SUCLG1: variants seen among roughly 807,000 people sequenced by gnomAD.
SUCLG1 encodes succinate--CoA ligase [ADP/GDP-forming] subunit alpha, mitochondrial.
SUCLG1 carries 26 observed loss-of-function variants against 37.3 expected under a neutral mutation model. The ratio of observed to expected loss-of-function variants is 0.70; its 90% confidence interval spans 0.51 to 0.97. The LOEUF is 0.97. Ranked by LOEUF, SUCLG1 falls within the 50% of genes least tolerant of loss-of-function variation. The probability of loss-of-function intolerance (pLI) is 0.00; values close to 1 mark genes in which losing one functional copy is unlikely to be tolerated. For missense variants in SUCLG1, 433 were observed against 432.9 expected, an observed-to-expected ratio of 1.00 and a Z score of 0.00; for synonymous variants, 163 against 155.6, an observed-to-expected ratio of 1.05 and a Z score of -0.36.
chr2:84,433,856 A>G, intron 5 of SUCLG1: 2 of 212,970 alleles, frequency 9.4e-6, no homozygotes, highest in Admixed American at 1.1e-4. Context: ...TCAGGTTGAA[A>G]TGTGATGCCC....
At chr2:84,428,080 T>G (rs1672560668) in intron 7 of SUCLG1, among the ~76,000 whole-genome samples, 1 of 152,194 alleles carries the variant, frequency 6.6e-6, no homozygotes, top group South Asian at 2.1e-4. Context: ...CCCTTTCTCC[T>G]TATCTTCCAG....
At chr2:84,442,626 AC>A (rs1420048298) in intron 3 of SUCLG1, among the ~76,000 whole-genome samples, 2 of 152,262 alleles carry the variant, frequency 1.3e-5, no homozygotes, top group Admixed American at 6.5e-5. Flanking sequence ...CTGAATTTTT[AC>A]AAAAAGTACC....
At chr2:84,435,909 A>C (rs1672681202) in intron 5 of SUCLG1, among the ~76,000 whole-genome samples, 1 of 152,240 alleles carries the variant, frequency 6.6e-6, no homozygotes, top group Non-Finnish European at 1.5e-5. Context: ...GAGGTCAGCC[A>C]GCCAGTCAGC....
intron 7 of SUCLG1, among the ~76,000 whole-genome samples, chr2:84,430,138 T>C (rs1672593917): frequency 6.6e-6 from 1 of 152,166 alleles, no homozygotes; most frequent in African/African-American, 2.4e-5. Context: ...GGATGACGAA[T>C]GAATCAAGGC....
chr2:84,452,706 T>C (rs1263340328), intron 1 of SUCLG1, among the ~76,000 whole-genome samples: 1 of 152,218 alleles, frequency 6.6e-6, no homozygotes, highest in Non-Finnish European at 1.5e-5. Flanking sequence ...TCAAGTACCA[T>C]CTAAATACTT....
chr2:84,450,055 A>G (rs1672917885), intron 1 of SUCLG1, among the ~76,000 whole-genome samples: 2 of 152,030 alleles, frequency 1.3e-5, no homozygotes, highest in Admixed American at 1.3e-4. Context: ...TCCTAGAAAA[A>G]AACTGGGGCT....
chr2:84,448,170 G>GAAAAA (rs60206307), intron 2 of SUCLG1, among the ~76,000 whole-genome samples: 3 of 137,716 alleles, frequency 2.2e-5, no homozygotes, highest in African/African-American at 8.1e-5. Flanking sequence ...AGTTATTTCA[G>GAAAAA]AAAAAAAAAA....
At chr2:84,427,906 A>T (rs113017935) in intron 7 of SUCLG1, among the ~76,000 whole-genome samples, 1 of 152,230 alleles carries the variant, frequency 6.6e-6, no homozygotes, top group Non-Finnish European at 1.5e-5. Context: ...AAGGACACTC[A>T]TAAGTGAAAC....
At chr2:84,451,430 C>T (rs1455535605) in intron 1 of SUCLG1, among the ~76,000 whole-genome samples, 1 of 152,218 alleles carries the variant, frequency 6.6e-6, no homozygotes, top group African/African-American at 2.4e-5. Context: ...TGCACAAGTA[C>T]TCTTATACTC....
chr2:84,432,711 A>G (rs1235454647), intron 6 of SUCLG1: 3 of 152,330 alleles, frequency 2.0e-5, no homozygotes, highest in Non-Finnish European at 2.9e-5. Context: ...TAATTCTAAA[A>G]CATTAACAGG....
chr2:84,430,686 G>T (rs538157767), intron 7 of SUCLG1, among the ~76,000 whole-genome samples: 16 of 152,024 alleles, frequency 1.1e-4, no homozygotes, highest in Non-Finnish European at 1.6e-4. Context: ...CATACATATA[G>T]AGAGAAAGTG....
Position 84,424,644 on chromosome 2 carries a change from A to C in SUCLG1, c.1014+771T>G, listed in dbSNP as rs551831329. Among the ~76,000 whole-genome samples, 8 of 152,286 alleles carry C rather than the reference A, an allele frequency of 5.3e-5. No individual in the cohort carries two copies. The South Asian group carries it at 1.7e-3, about 32-fold the overall frequency. On this transcript the variant is annotated intron_variant, in intron 8 of 8. Coordinates refer to ENST00000393868, the MANE Select transcript of SUCLG1 (RefSeq NM_003849.4). ...AGGAAACCAACTGGTACCTATTTTCAGCATGCTTAAGAGGAGATTTTTTGT... is the reference window on the plus strand; with the variant it reads ...AGGAAACCAACTGGTACCTATTTTCCGCATGCTTAAGAGGAGATTTTTTGT...
intron 1 of SUCLG1, among the ~76,000 whole-genome samples, chr2:84,457,083 T>C (rs1673032135): frequency 6.6e-6 from 1 of 152,176 alleles, no homozygotes; most frequent in African/African-American, 2.4e-5. Flanking sequence ...CTTCAGCAAG[T>C]AATGTACCAT....
intron 3 of SUCLG1, 68 bp from the exon 4 acceptor site, chr2:84,441,527 C>A: frequency 6.7e-7 from 1 of 1,490,252 alleles, no homozygotes; most frequent in Non-Finnish European, 9.2e-7. Flanking sequence ...AAATTCAATA[C>A]CATCATTTTA....
At chr2:84,436,012 G>C (rs540290697) in intron 5 of SUCLG1, among the ~76,000 whole-genome samples, 1 of 152,248 alleles carries the variant, frequency 6.6e-6, no homozygotes, top group African/African-American at 2.4e-5. Context: ...TTTCTTCTAA[G>C]AAAACAAGAA....
At chr2:84,444,748 G>A (rs144318861) in intron 2 of SUCLG1, among the ~76,000 whole-genome samples, 1,634 of 152,158 alleles carry the variant, frequency 0.011, 42 homozygotes, top group African/African-American at 0.037. Context: ...AAAGATGGCC[G>A]CCCCCCGAAG....
intron 2 of SUCLG1, among the ~76,000 whole-genome samples, chr2:84,448,170 G>GAAAAAAAA (rs60206307): frequency 3.6e-5 from 5 of 137,690 alleles, no homozygotes; most frequent in African/African-American, 1.4e-4. Context: ...AGTTATTTCA[G>GAAAAAAAA]AAAAAAAAAA....
chr2:84,432,682 T>C (rs570348444), intron 6 of SUCLG1: 40 of 152,464 alleles, frequency 2.6e-4, no homozygotes, highest in African/African-American at 9.1e-4. Context: ...CAGAGCTATA[T>C]GTTACTTTTT....
intron 1 of SUCLG1, among the ~76,000 whole-genome samples, chr2:84,457,546 C>T (rs1319184855): frequency 6.6e-6 from 1 of 152,108 alleles, no homozygotes; most frequent in African/African-American, 2.4e-5. Flanking sequence ...ATCTTTTAGA[C>T]ACTCTTCCTT....
Sources: gnomAD v4.1 joint callset for allele counts (sites outside exome capture counted in the v4.1 genomes callset) on GRCh38, gnomAD v4.1.1 for gene constraint, MANE v1.5 for transcripts, NCBI Gene and HGNC (gene_info 2026-07-23, HGNC 2026-07-21) for gene names.